The following RTN4 variants were observed in gnomAD, a reference collection of about 807,000 sequenced individuals.
RTN4 encodes the protein reticulon 4.
Under a neutral mutation model 90.4 loss-of-function variants are expected in RTN4, and 32 were observed. The observed-to-expected ratio is 0.35, with a 90% CI of 0.27 to 0.48. RTN4 has a LOEUF of 0.48. Among genes scored for constraint, RTN4 ranks in the 20% least tolerant of loss-of-function variants. The pLI is 0.99. For synonymous variants in RTN4, 629 were observed against 552.5 expected (o/e 1.14, Z -1.94); for missense variants, 1,706 against 1,430.2 (o/e 1.19, Z -3.11).
upstream of RTN4, among the ~76,000 whole-genome samples, chr2:55,055,062 T>A (rs888361737): frequency 3.9e-5 from 6 of 152,264 alleles, no homozygotes; most frequent in Admixed American, 3.9e-4. Flanking sequence ...AATCCCATAA[T>A]AAGCAAGTGA....
Position 55,000,152 on chromosome 2 carries a change from G to T in RTN4, c.3014-12454C>A, listed in dbSNP as rs573716008. Among the ~76,000 whole-genome samples the T allele has an allele frequency of 2.0e-5, 3 of 152,212 alleles. No individual in the cohort carries two copies. In the South Asian group the frequency reaches 6.2e-4, roughly 32 times the overall value. ...AAGGCAATCAAATATTATATGTAAT[G>T]CTTAGCTAAGCCCTGATTTTTTAAA... is the stretch of plus-strand genomic sequence containing the variant. On this transcript the variant is annotated intron_variant, in intron 3 of 8. Transcript: ENST00000337526.
chr2:55,131,200 T>A, the RTN4 span, among the ~76,000 whole-genome samples: 1 of 142,040 alleles, frequency 7.0e-6, no homozygotes, highest in Non-Finnish European at 1.6e-5. Flanking sequence ...TTTAACAAGT[T>A]TTGTTTGTTT....
upstream of RTN4, among the ~76,000 whole-genome samples, chr2:55,116,937 A>C (rs1246366109): frequency 1.4e-5 from 2 of 142,760 alleles, no homozygotes; most frequent in African/African-American, 5.2e-5. Context: ...GCAGTGGTGC[A>C]ATCTTGGCTG....
In RTN4 at chr2:54,987,653, A is replaced by G; in HGVS notation, c.3059T>C (p.Val1020Ala). 6.2e-7 allele frequency: 1 copy of G among 1,614,188 alleles called. No homozygotes were observed. Reference protein sequence around the residue: ...YWRDIKKTGVVFGASLFLLLS... With the variant: ...YWRDIKKTGVAFGASLFLLLS... The stretch of plus-strand genomic sequence containing the variant: ...CAGCAGGAATAGGCTGGCACCAAAC[A>G]CCACTCCAGTCTTCTTAATGTCTCT... Residue 1020 changes from valine (V) to alanine (A), a missense_variant, in exon 4 of 9, where the codon GTG (valine) becomes GCG (alanine). By Grantham distance (64) the Val-to-Ala change is moderately conservative (BLOSUM62 0). Transcript: ENST00000337526.
chr2:55,060,177 AT>A (rs1668265011), intron 2 of RTN4, among the ~76,000 whole-genome samples: 1 of 152,206 alleles, frequency 6.6e-6, no homozygotes, highest in Non-Finnish European at 1.5e-5. Flanking sequence ...AACACACAGA[AT>A]TTAGCTTTTT....
chr2:54,979,304 C>T (rs1019691039), intron 5 of RTN4, among the ~76,000 whole-genome samples: 3 of 152,052 alleles, frequency 2.0e-5, no homozygotes, highest in Admixed American at 6.6e-5. Context: ...GCAATCCTTC[C>T]GCCTTGGCCT....
chr2:54,973,813 G>C lies in RTN4; in HGVS notation c.3477+8C>G. 7 of 1,610,280 alleles carry C rather than the reference G, an allele frequency of 4.3e-6. No individual in the cohort carries two copies. Among genetic ancestry groups the C allele is most frequent in the Non-Finnish European group, 5.9e-6 (7 of 1,176,940 alleles). On this transcript the variant is annotated splice_region_variant and intron_variant, in intron 7 of 8. Transcript: ENST00000337526. ...TATTCTGAAGTCAGCAGTTAGTTAG[G>C]AAATTACCTGATGCCGTTCATAAAT...
chr2:54,993,111 A>G (rs1262877227), intron 3 of RTN4, among the ~76,000 whole-genome samples: 1 of 151,768 alleles, frequency 6.6e-6, no homozygotes, highest in Admixed American at 6.6e-5. Flanking sequence ...AATTAAACAT[A>G]TAACTATGAA....
chr2:55,067,464 G>A (rs1225852035), intron 2 of RTN4, among the ~76,000 whole-genome samples: 1 of 149,876 alleles, frequency 6.7e-6, no homozygotes, highest in African/African-American at 2.5e-5. Flanking sequence ...CCAGACTGGA[G>A]TGCAGTTGCA....
the RTN4 span, among the ~76,000 whole-genome samples, chr2:55,118,850 G>C: frequency 6.6e-6 from 1 of 152,142 alleles, no homozygotes; most frequent in Non-Finnish European, 1.5e-5. Flanking sequence ...ATCAGATATG[G>C]GTCCCTGACA....
intron 1 of RTN4, among the ~76,000 whole-genome samples, chr2:55,090,422 A>G (rs146230086): frequency 2.4e-3 from 359 of 152,356 alleles, no homozygotes; most frequent in Middle Eastern, 6.8e-3. Context: ...TTGACTGCGT[A>G]TGGACATAGA....
At chr2:55,074,318 A>C (rs1189479242) in intron 2 of RTN4, among the ~76,000 whole-genome samples, 1 of 152,084 alleles carries the variant, frequency 6.6e-6, no homozygotes, top group Admixed American at 6.6e-5. Context: ...CCTCAGCAAC[A>C]TAGCAAGACC....
At chr2:55,108,175 G>A (rs996225370) in intron 1 of RTN4, among the ~76,000 whole-genome samples, 44 of 152,122 alleles carry the variant, frequency 2.9e-4, no homozygotes, top group African/African-American at 8.9e-4. Flanking sequence ...GGCTGGTCTC[G>A]AACCCCTGAC....
At position 55,026,582 on chromosome 2, in the gene RTN4, G is replaced by A. The variant is rs1029815346; in HGVS notation, c.1517C>T (p.Thr506Ile). 6.2e-7 allele frequency: 1 copy of A among 1,612,508 alleles called. No individual in the cohort carries two copies. Among genetic ancestry groups the A allele is most frequent in the Non-Finnish European group, 8.5e-7 (1 of 1,179,836 alleles). ...KIEEKKAQIV[T>I]EKNTSTKTSN... ...TGTTTTGGTGCTAGTATTCTTCTCT[G>A]TTACTATTTGGGCCTTCTTTTCTTC... The change falls in exon 3 of 9, where the codon ACA becomes ATA. Residue 506 changes from threonine (T) to isoleucine (I), a missense_variant. Thr to Ile is a moderately conservative substitution (Grantham distance 89, BLOSUM62 -1). Transcript: ENST00000337526.
intron 2 of RTN4, among the ~76,000 whole-genome samples, chr2:55,074,962 G>A (rs956846331): frequency 6.6e-6 from 1 of 152,164 alleles, no homozygotes; most frequent in Non-Finnish European, 1.5e-5. Flanking sequence ...CAAACCCACA[G>A]CTAACATTAT....
chr2:55,035,866 GA>G (rs1682643262), intron 1 of RTN4, among the ~76,000 whole-genome samples: 1 of 152,060 alleles, frequency 6.6e-6, no homozygotes. Flanking sequence ...TTATCAAAAT[GA>G]AAGACAAGTT....
At chr2:55,128,912 G>A in the RTN4 span, among the ~76,000 whole-genome samples, 1 of 151,768 alleles carries the variant, frequency 6.6e-6, no homozygotes, top group South Asian at 2.1e-4. Context: ...TTCGAGACCA[G>A]CCTGACCAAC....
intron 1 of RTN4, among the ~76,000 whole-genome samples, chr2:55,099,327 A>C (rs768339484): frequency 6.6e-6 from 1 of 152,118 alleles, no homozygotes; most frequent in Non-Finnish European, 1.5e-5. Context: ...GAGATGTTTC[A>C]ATCTATTGCT....
rs545897566 is a variant in RTN4, at chr2:55,025,798, C to T, written c.2301G>A (p.Val767=). The change falls in exon 3 of 9, where the codon GTG becomes GTA. Residue 767 remains valine, a synonymous_variant. Coordinates refer to ENST00000337526, the MANE Select transcript of RTN4 (RefSeq NM_020532.5). ...ATGAAGTCTCAGTGAGACTTTCTTT[C>T]ACAAGCATCACAGTTTCATCTTGTT... The part of the protein sequence containing the change: ...PQKQDETVML[V]KESLTETSFE... 6.2e-7 allele frequency: 1 copy of T among 1,613,558 alleles called. No individual in the cohort carries two copies. Among genetic ancestry groups the T allele is most frequent in the East Asian group, 2.2e-5 (1 of 44,856 alleles).
Sources: gnomAD v4.1 joint callset for allele counts (sites outside exome capture counted in the v4.1 genomes callset) on GRCh38, gnomAD v4.1.1 for gene constraint, MANE v1.5 for transcripts, NCBI Gene and HGNC (gene_info 2026-07-23, HGNC 2026-07-21) for gene names.